SLC35A3: variants seen among roughly 807,000 people sequenced by gnomAD.
The protein encoded by SLC35A3 is UDP-N-acetylglucosamine transporter.
In SLC35A3, 26 loss-of-function variants were observed where a neutral mutation model predicts 39.0. That is an observed-to-expected ratio of 0.67 (90% CI 0.49 to 0.92). SLC35A3 has a LOEUF of 0.92. Ranked by LOEUF, SLC35A3 falls within the 40% of genes least tolerant of loss-of-function variation. The pLI, the probability that SLC35A3 is intolerant of heterozygous loss-of-function variation, is 0.00. For missense variants in SLC35A3, 299 were observed against 371.6 expected, an observed-to-expected ratio of 0.80 and a Z score of 1.61; for synonymous variants, 135 against 133.1, an observed-to-expected ratio of 1.01 and a Z score of -0.10.
rs552844460 is a variant in SLC35A3, at chr1:100,017,823, GTTCTT to G, written c.887+13_887+17del. 5.9e-4 allele frequency: 903 copies of G among 1,533,472 alleles called. 3 individuals carry two copies. The highest frequency in any genetic ancestry group is 4.3e-3 in the African/African-American group (302 of 70,510). 95.0% of individuals were successfully genotyped at this position (1,533,472 alleles called of 1,614,324 possible). A position where few individuals can be genotyped will look rare whatever the true frequency, so the allele number is the denominator to read the frequency against. On this transcript the variant is annotated intron_variant, in intron 7 of 7. Transcript: ENST00000533028. ...AGATTTTGTGCCAACCAGGTAAAAT[GTTCTT>G]TTCTATTTTTTTAAATCCCCAGAAG... is the stretch of plus-strand genomic sequence containing the variant.
chr1:100,014,766 C>CT (rs1346991555), intron 5 of SLC35A3, among the ~76,000 whole-genome samples: 1 of 152,102 alleles, frequency 6.6e-6, no homozygotes, highest in African/African-American at 2.4e-5. Context: ...TATTCTATGT[C>CT]TTTGTCTTTT....
intron 6 of SLC35A3, among the ~76,000 whole-genome samples, chr1:100,016,321 C>T (rs957826290): frequency 6.6e-6 from 1 of 151,120 alleles, no homozygotes; most frequent in African/African-American, 2.4e-5. Flanking sequence ...ACCTTGACCT[C>T]CCAAAGTGCT....
At chr1:99,981,352 T>G (rs569810865) in intron 1 of SLC35A3, among the ~76,000 whole-genome samples, 1 of 152,346 alleles carries the variant, frequency 6.6e-6, no homozygotes, top group South Asian at 2.1e-4. Flanking sequence ...AATGTAAATA[T>G]AGCTTACTCT....
At chr1:100,004,345 C>T (rs187149131) in intron 3 of SLC35A3, among the ~76,000 whole-genome samples, 1 of 152,184 alleles carries the variant, frequency 6.6e-6, no homozygotes, top group East Asian at 1.9e-4. Flanking sequence ...GGCTCTATCA[C>T]CCAGGCTGGA....
intron 1 of SLC35A3, among the ~76,000 whole-genome samples, chr1:99,971,892 T>A (rs946646171): frequency 6.6e-6 from 1 of 152,128 alleles, no homozygotes; most frequent in Non-Finnish European, 1.5e-5. Context: ...TCATTCTTTT[T>A]TTCTTTTTCT....
In SLC35A3 at chr1:100,022,697, G is replaced by A. The variant is rs1268946380; in HGVS notation, c.*221G>A. The A allele has an allele frequency of 8.9e-6, 3 of 338,320 alleles. No homozygotes were observed. Among genetic ancestry groups the A allele is most frequent in the Non-Finnish European group, 1.6e-5 (3 of 188,218 alleles). The allele number at this position is 338,320 out of a possible 1,614,324, so 21.0% of individuals were successfully genotyped here. The stretch of plus-strand genomic sequence containing the variant: ...TATTTCCAGGGATTAGGATTAGAAG[G>A]AATATTAGAGGAAACTTGAAATCTG... On this transcript the variant is annotated 3_prime_UTR_variant, in exon 8 of 8. Transcript: ENST00000533028.
intron 3 of SLC35A3, among the ~76,000 whole-genome samples, chr1:100,005,108 A>G (rs1358864463): frequency 1.3e-5 from 2 of 152,082 alleles, no homozygotes; most frequent in East Asian, 3.8e-4. Context: ...TTTATCTGGC[A>G]GTTTTTCTTT....
Position 100,027,040 on chromosome 1 carries a change from A to G in SLC35A3, c.*4564A>G, listed in dbSNP as rs1186242192. Reference sequence around the variant, plus strand: ...GTGTCTATGACCTAACCTATGAATTAGTCTTCTCTCTTTATATATCAAAAA... The same window carrying G: ...GTGTCTATGACCTAACCTATGAATTGGTCTTCTCTCTTTATATATCAAAAA... On this transcript the variant is annotated 3_prime_UTR_variant, in exon 8 of 8. Transcript: ENST00000533028. 1 of 396,254 alleles carries G rather than the reference A, an allele frequency of 2.5e-6. No homozygotes were observed. The highest frequency in any genetic ancestry group is 4.4e-6 in the Non-Finnish European group (1 of 225,126). The allele number at this position is 396,254 out of a possible 1,614,324, so 24.5% of individuals were successfully genotyped here.
Position 100,026,147 on chromosome 1 carries a change from C to T in SLC35A3, c.*3671C>T, listed in dbSNP as rs1443592790. ...TATGTTCTCTACACTTACTGTAATACTGATTATTCTTACATATCAAATTAT... is the reference window on the plus strand; with the variant it reads ...TATGTTCTCTACACTTACTGTAATATTGATTATTCTTACATATCAAATTAT... On this transcript the variant is annotated 3_prime_UTR_variant, in exon 8 of 8. Transcript: ENST00000533028. 1 of 152,052 alleles carries T rather than the reference C, an allele frequency of 6.6e-6. No homozygotes were observed. Among genetic ancestry groups the T allele is most frequent in the African/African-American group, 2.4e-5 (1 of 41,416 alleles). The allele number at this position is 152,052 out of a possible 1,614,324, so 9.4% of individuals were successfully genotyped here. A position where few individuals can be genotyped will look rare whatever the true frequency, so the allele number is the denominator to read the frequency against.
Position 100,024,956 on chromosome 1 carries a change from A to G in SLC35A3, c.*2480A>G. 3.1e-6 allele frequency: 1 copy of G among 323,534 alleles called. No individual in the cohort carries two copies. The highest frequency in any genetic ancestry group is 4.9e-5 in the Admixed American group (1 of 20,360). 20.0% of individuals were successfully genotyped at this position (323,534 alleles called of 1,614,324 possible). The stretch of plus-strand genomic sequence containing the variant: ...ACTGGCAGTGTTACCTTGCTTTTGC[A>G]GTAATAGTCTACAGATTGCAGGTCT... On this transcript the variant is annotated 3_prime_UTR_variant, in exon 8 of 8. Transcript: ENST00000533028.
chr1:100,019,241 C>A (rs1395213066), intron 7 of SLC35A3, among the ~76,000 whole-genome samples: 1 of 149,474 alleles, frequency 6.7e-6, no homozygotes, highest in East Asian at 2.0e-4. Context: ...AATAAATGAA[C>A]AAGCAAACCA....
At chr1:99,980,051 C>CTA (rs140031526) in intron 1 of SLC35A3, among the ~76,000 whole-genome samples, 8,679 of 151,258 alleles carry the variant, frequency 0.057, 319 homozygotes, top group African/African-American at 0.1. Flanking sequence ...CTCTCTCTCT[C>CTA]TATATATATG....
rs185255181 is a variant in SLC35A3 at position 100,010,130 on chromosome 1, A to G, written c.466-1235A>G. Among the ~76,000 whole-genome samples the G allele has an allele frequency of 2.2e-3, 340 of 152,314 alleles. 4 individuals are homozygous for G. The highest frequency in any genetic ancestry group is 7.9e-3 in the African/African-American group (330 of 41,578). ...GCTCAATAGCCACTTAAATATAGCG[A>G]TGACCCTATTGAGGGTGAAGATACA... On this transcript the variant is annotated intron_variant, in intron 4 of 7. Transcript: ENST00000533028.
At chr1:99,977,066 T>C (rs1259709059) in intron 1 of SLC35A3, among the ~76,000 whole-genome samples, 1 of 152,214 alleles carries the variant, frequency 6.6e-6, no homozygotes, top group Non-Finnish European at 1.5e-5. Flanking sequence ...TATTTTCACA[T>C]TAAATTTTTA....
intron 1 of SLC35A3, chr1:99,979,000 C>T (rs1166183822): frequency 6.6e-6 from 1 of 152,146 alleles, no homozygotes; most frequent in Admixed American, 6.5e-5. Context: ...TAGCATGGCC[C>T]TTGCTCAAGG....
At chr1:99,991,423 C>T (rs1394604828) in intron 1 of SLC35A3, among the ~76,000 whole-genome samples, 5 of 152,158 alleles carry the variant, frequency 3.3e-5, no homozygotes, top group African/African-American at 7.2e-5. Flanking sequence ...GGATTACAGG[C>T]GTGAGCCACC....
chr1:99,971,937 G>T (rs999364003), intron 1 of SLC35A3, among the ~76,000 whole-genome samples: 1 of 151,446 alleles, frequency 6.6e-6, no homozygotes, highest in Non-Finnish European at 1.5e-5. Flanking sequence ...TGCTCTTGTT[G>T]CCCAGGCTGG....
chr1:100,011,305 A>G, intron 4 of SLC35A3, 60 bp from the exon 5 acceptor site: 1 of 890,838 alleles, frequency 1.1e-6, no homozygotes, highest in Non-Finnish European at 1.7e-6. Flanking sequence ...TGGGCTCTCA[A>G]TATGTTTATG....
intron 1 of SLC35A3, among the ~76,000 whole-genome samples, chr1:99,981,711 C>T (rs1010463723): frequency 6.6e-6 from 1 of 151,858 alleles, no homozygotes; most frequent in African/African-American, 2.4e-5. Flanking sequence ...GAACTCCTGG[C>T]CTCAAGTGAT....
Sources: allele counts gnomAD v4.1 joint callset (sites outside exome capture counted in the v4.1 genomes callset), GRCh38; gene constraint gnomAD v4.1.1; transcripts MANE v1.5; gene names NCBI Gene and HGNC (gene_info 2026-07-23, HGNC 2026-07-21).